Variants in CTNNA2 observed in about 807,000 individuals in gnomAD.
The protein encoded by CTNNA2 is catenin alpha 2.
CTNNA2 carries 42 observed loss-of-function variants against 101.0 expected under a neutral mutation model. The ratio of observed to expected loss-of-function variants is 0.42; its 90% CI spans 0.32 to 0.54. The LOEUF (loss-of-function observed/expected upper bound fraction) is 0.54, where lower values mean the gene tolerates loss of function less well. CTNNA2 is among the 20% of genes least tolerant of loss of function. CTNNA2 has a pLI of 0.14. For missense variants in CTNNA2, 871 were observed against 1,223.1 expected, an observed-to-expected ratio of 0.71 and a Z score of 4.29; for synonymous variants, 450 against 456.4, an observed-to-expected ratio of 0.99 and a Z score of 0.18.
At chr2:79,251,179 A>T (rs1674766281) in intron 2 of CTNNA2, among the ~76,000 whole-genome samples, 1 of 152,172 alleles carries the variant, frequency 6.6e-6, no homozygotes, top group South Asian at 2.1e-4. Flanking sequence ...GTGGTCAGCA[A>T]GAGGAGTGTT....
chr2:79,201,088 C>T (rs1029352751), intron 2 of CTNNA2, among the ~76,000 whole-genome samples: 2 of 149,260 alleles, frequency 1.3e-5, no homozygotes, highest in Non-Finnish European at 3.0e-5. Flanking sequence ...TAAAACATTT[C>T]CCCCCCCCTT....
At chr2:80,569,550 T>C (rs901007151) in intron 12 of CTNNA2, among the ~76,000 whole-genome samples, 14 of 151,596 alleles carry the variant, frequency 9.2e-5, no homozygotes, top group African/African-American at 3.4e-4. Context: ...CGTTTTGTCC[T>C]AATTAGTGAG....
intron 7 of CTNNA2, among the ~76,000 whole-genome samples, chr2:80,318,877 T>C (rs577298721): frequency 6.6e-6 from 1 of 152,312 alleles, no homozygotes; most frequent in South Asian, 2.1e-4. Context: ...TTCAGCCTTC[T>C]TAGGGTGCTA....
intron 15 of CTNNA2, 197 bp from the exon 16 acceptor site, chr2:80,603,877 T>TA (rs1016642544): frequency 1.3e-5 from 7 of 543,480 alleles, no homozygotes; most frequent in Non-Finnish European, 2.3e-5. Context: ...AACATGCACA[T>TA]AAAAATATGG....
At chr2:79,930,326 AAG>A (rs1301614123) in intron 7 of CTNNA2, among the ~76,000 whole-genome samples, 49 of 145,014 alleles carry the variant, frequency 3.4e-4, no homozygotes, top group African/African-American at 1.2e-3. Flanking sequence ...GAAAGAAAGA[AAG>A]AAAGAAAGAA....
At chr2:79,656,389 A>G (rs934006692) in intron 2 of CTNNA2, among the ~76,000 whole-genome samples, 2 of 152,150 alleles carry the variant, frequency 1.3e-5, no homozygotes, top group African/African-American at 4.8e-5. Flanking sequence ...GAATTGAACA[A>G]AATTCATAGC....
intron 7 of CTNNA2, among the ~76,000 whole-genome samples, chr2:79,914,198 C>T (rs1336871003): frequency 6.7e-6 from 1 of 148,826 alleles, no homozygotes; most frequent in Non-Finnish European, 1.5e-5. Context: ...AAGAAAGTAG[C>T]TTACTTGGCA....
chr2:80,241,386 A>G lies in CTNNA2; in HGVS notation c.1057-151825A>G, dbSNP rs529783348. ...GTTGAGGGAGGAAGGAGGAGGAGCT[A>G]CTAGATGGCACAGTGATTCTATTAC... On this transcript the variant is annotated intron_variant, in intron 7 of 18. Transcript: ENST00000402739. 2.0e-5 allele frequency among the ~76,000 whole-genome samples: 3 copies of G among 151,914 alleles called. No individual in the cohort carries two copies. The East Asian group carries it at 5.8e-4, about 29-fold the overall frequency.
At chr2:80,256,185 C>G (rs1460789976) in intron 7 of CTNNA2, among the ~76,000 whole-genome samples, 1 of 152,110 alleles carries the variant, frequency 6.6e-6, no homozygotes, top group African/African-American at 2.4e-5. Context: ...CGTTAAAAGG[C>G]ACAGCCTTTT....
At chr2:79,268,417 T>C (rs760497328) in intron 2 of CTNNA2, among the ~76,000 whole-genome samples, 6 of 152,102 alleles carry the variant, frequency 3.9e-5, no homozygotes, top group Non-Finnish European at 7.4e-5. Flanking sequence ...CCTCACCCCA[T>C]GCACCTCTTC....
chr2:80,493,800 T>C (rs1315931170), intron 9 of CTNNA2, among the ~76,000 whole-genome samples: 3 of 152,168 alleles, frequency 2.0e-5, no homozygotes, highest in African/African-American at 4.8e-5. Context: ...GCTGAAAGAA[T>C]AGGCTGATGA....
intron 7 of CTNNA2, among the ~76,000 whole-genome samples, chr2:79,913,387 T>C (rs1685948879): frequency 6.6e-6 from 1 of 152,086 alleles, no homozygotes; most frequent in Non-Finnish European, 1.5e-5. Flanking sequence ...ACAGCAGCTA[T>C]TGTGAGTAGA....
rs371237672 is a variant in CTNNA2 at position 79,553,884 on chromosome 2, G to A, written c.-6+40677G>A. ...TTCTTGTGAGCACATTGTAAGGGAG[G>A]CCACCTGGGGAGGTATGTGGACTTC... is the stretch of plus-strand genomic sequence containing the variant. On this transcript the variant is annotated intron_variant, in intron 1 of 18. Coordinates refer to ENST00000402739, the MANE Select transcript of CTNNA2 (RefSeq NM_001282597.3). Among the ~76,000 whole-genome samples, 223 of 152,294 alleles carry A rather than the reference G, an allele frequency of 1.5e-3. 1 individual carries two copies. In the Middle Eastern group the frequency reaches 0.017, roughly 12 times the overall value.
chr2:80,403,856 A>G (rs1429494975), intron 8 of CTNNA2, among the ~76,000 whole-genome samples: 6 of 152,232 alleles, frequency 3.9e-5, no homozygotes, highest in African/African-American at 7.2e-5. Context: ...TTCTGCATCT[A>G]TTGAGATACT....
chr2:79,748,543 C>T (rs188470761), intron 3 of CTNNA2, among the ~76,000 whole-genome samples: 1 of 152,142 alleles, frequency 6.6e-6, no homozygotes, highest in Admixed American at 6.5e-5. Context: ...TTGTTTTCAG[C>T]ATAAGTAAAT....
intron 15 of CTNNA2, among the ~76,000 whole-genome samples, chr2:80,590,395 A>T (rs1320640034): frequency 3.3e-5 from 5 of 152,312 alleles, no homozygotes; most frequent in African/African-American, 1.2e-4. Flanking sequence ...AGTATAAATT[A>T]TGCTGTTATA....
At chr2:80,290,487 C>A (rs191287046) in intron 7 of CTNNA2, among the ~76,000 whole-genome samples, 1 of 151,960 alleles carries the variant, frequency 6.6e-6, no homozygotes, top group Non-Finnish European at 1.5e-5. Flanking sequence ...TCCCGTGATG[C>A]TTTTACTTTT....
intron 4 of CTNNA2, among the ~76,000 whole-genome samples, chr2:79,502,770 G>A (rs1003651577): frequency 6.6e-6 from 1 of 152,170 alleles, no homozygotes; most frequent in African/African-American, 2.4e-5. Context: ...CCTAGCTTTA[G>A]TGGAAATCAT....
chr2:80,478,345 G>T (rs894070060), intron 9 of CTNNA2, among the ~76,000 whole-genome samples: 1 of 152,052 alleles, frequency 6.6e-6, no homozygotes, highest in Non-Finnish European at 1.5e-5. Flanking sequence ...TCTATAGGTG[G>T]TCTTTTTATC....
Sources: allele counts gnomAD v4.1 joint callset (sites outside exome capture counted in the v4.1 genomes callset), GRCh38; gene constraint gnomAD v4.1.1; transcripts MANE v1.5; gene names NCBI Gene and HGNC (gene_info 2026-07-23, HGNC 2026-07-21).